The following TSBP1 variants were observed in gnomAD, a reference collection of about 807,000 sequenced individuals.
TSBP1 encodes the protein testis expressed basic protein 1.
TSBP1 carries 56 observed loss-of-function variants against 68.8 expected under a neutral mutation model. That is an observed-to-expected ratio of 0.81 (90% confidence interval 0.66 to 1.02). The LOEUF is 1.02. TSBP1 is among the 50% of genes least tolerant of loss of function. The pLI, the probability that TSBP1 is intolerant of heterozygous loss-of-function variation, is 0.00. For synonymous variants in TSBP1, 171 were observed against 208.7 expected, an observed-to-expected ratio of 0.82 and a Z score of 1.56; for missense variants, 502 against 641.2, an observed-to-expected ratio of 0.78 and a Z score of 2.34.
intron 9 of TSBP1, among the ~76,000 whole-genome samples, chr6:32,345,146 T>A (rs1489024191): frequency 6.6e-6 from 1 of 151,410 alleles, no homozygotes; most frequent in African/African-American, 2.4e-5. Flanking sequence ...TAAGCCACCA[T>A]GCTTGGCCCT....
intron 6 of TSBP1, 148 bp from the exon 7 acceptor site, chr6:32,355,817 A>G: frequency 2.0e-6 from 2 of 981,280 alleles, no homozygotes; most frequent in Non-Finnish European, 2.8e-6. Flanking sequence ...GGCTTAATTT[A>G]TAAGTTTAAT....
chr6:32,355,509 A>T, intron 7 of TSBP1, 140 bp downstream of exon 7: 2 of 1,048,246 alleles, frequency 1.9e-6, no homozygotes, highest in Non-Finnish European at 2.8e-6. Flanking sequence ...CTAAACCAGC[A>T]CTAGAAAACT....
At chr6:32,332,258 C>T (rs902045107) in intron 14 of TSBP1, among the ~76,000 whole-genome samples, 3 of 152,156 alleles carry the variant, frequency 2.0e-5, no homozygotes, top group African/African-American at 7.2e-5. Context: ...TGCAATATTT[C>T]AGCCCAAGGT....
At chr6:32,355,094 A>G (rs2127638478) in intron 8 of TSBP1, 30 bp downstream of exon 8, 1 of 1,601,940 alleles carries the variant, frequency 6.2e-7, no homozygotes. Context: ...AGATGACAGT[A>G]GAATTGAAAG....
intron 9 of TSBP1, among the ~76,000 whole-genome samples, chr6:32,341,986 C>T (rs1770412392): frequency 6.6e-6 from 1 of 151,398 alleles, no homozygotes; most frequent in East Asian, 1.9e-4. Context: ...GATTTTTTGC[C>T]GATTTCCTCA....
chr6:32,352,209 CTAAG>C (rs1300702992), intron 8 of TSBP1, among the ~76,000 whole-genome samples: 4 of 151,708 alleles, frequency 2.6e-5, no homozygotes, highest in African/African-American at 9.7e-5. Flanking sequence ...TGTTGTAAGT[CTAAG>C]TAATAATTAA....
intron 16 of TSBP1, 123 bp downstream of exon 17, chr6:32,330,465 TG>T (rs2127597466): frequency 1.3e-6 from 1 of 793,690 alleles, no homozygotes; most frequent in East Asian, 2.7e-5. Context: ...CATAAAAACA[TG>T]TGTAAAATAA....
chr6:32,293,799 C>CG lies in TSBP1; in HGVS notation c.873_874insC (p.Val292ArgfsTer6), dbSNP rs770745594. On this transcript the variant is annotated frameshift_variant, in exon 23 of 23. Transcript: ENST00000612031. LOFTEE classifies it low-confidence loss of function (END_TRUNC). The stretch of plus-strand genomic sequence containing the variant: ...ATTCCAGCGTCACTGTCTACCTTGA[C>CG]CTCCATTCCTATTTTGTCTTTCTCT... 9.9e-6 allele frequency: 16 copies of CG among 1,612,988 alleles called. No homozygotes were observed. Among genetic ancestry groups the CG allele is most frequent in the Non-Finnish European group, 1.4e-5 (16 of 1,180,008 alleles).
chr6:32,335,474 A>G lies in TSBP1; in HGVS notation c.452-17T>C. 4 of 1,452,716 alleles carry G rather than the reference A, an allele frequency of 2.8e-6. No individual in the cohort carries two copies. The highest frequency in any genetic ancestry group is 9.2e-7 in the Non-Finnish European group (1 of 1,089,830). 90.0% of individuals were successfully genotyped at this position (1,452,716 alleles called of 1,614,324 possible). ...GAGAGAGCTCTAAAAAAAAAAGAGA[A>G]AAGAAATCAGTAGCTATATATATAT... is the stretch of plus-strand genomic sequence containing the variant. On this transcript the variant is annotated splice_polypyrimidine_tract_variant and intron_variant, in intron 13 of 22. Coordinates refer to ENST00000612031, the Ensembl canonical transcript of TSBP1. This position sits in a 1 kb window ranked among gnomAD's most constrained non-coding sequence, Gnocchi z 5.5.
rs9268378 is a variant in TSBP1, at chr6:32,367,851, A to C, written c.166+74T>G. 2.5e-5 allele frequency: 28 copies of C among 1,100,528 alleles called. No individual in the cohort carries two copies. In the South Asian group the frequency reaches 4.0e-4, roughly 16 times the overall value. The allele number at this position is 1,100,528 out of a possible 1,614,324, so 68.2% of individuals were successfully genotyped here. ...TGCTGACTCAACAAATCATGCTCAA[A>C]TGGAGATGAGTTGATTCACACTCTA... On this transcript the variant is annotated intron_variant, in intron 4 of 22. Transcript: ENST00000612031.
At chr6:32,332,087 A>C (rs1769095502) in intron 14 of TSBP1, 33 bp from the exon 16 acceptor site, 1 of 1,530,782 alleles carries the variant, frequency 6.5e-7, no homozygotes. Context: ...ATATTAGTAC[A>C]GTTATTTGGA....
At chr6:32,324,324 C>T in intron 16 of TSBP1, 1 of 414,722 alleles carries the variant, frequency 2.4e-6, no homozygotes, top group Non-Finnish European at 4.5e-6. Context: ...TTCTTATCTA[C>T]TCCTTTCTCT....
At chr6:32,355,812 A>T (rs189070600) in intron 6 of TSBP1, 143 bp from the exon 7 acceptor site, 3 of 1,009,256 alleles carry the variant, frequency 3.0e-6, no homozygotes, top group Admixed American at 7.3e-5. Flanking sequence ...CTCATGGCTT[A>T]ATTTATAAGT....
intron 18 of TSBP1, 62 bp downstream of exon 20, chr6:32,322,418 TTAGAAA>T (rs143375569): frequency 0.029 from 33,491 of 1,169,446 alleles, 916 homozygotes; most frequent in East Asian, 0.12. Flanking sequence ...TATGAGGCAC[TTAGAAA>T]TAGAAACAAC....
intron 14 of TSBP1, among the ~76,000 whole-genome samples, chr6:32,334,988 CAT>C (rs1414088986): frequency 6.6e-6 from 1 of 152,120 alleles, no homozygotes; most frequent in Non-Finnish European, 1.5e-5. Context: ...GAGTGGAGAT[CAT>C]GCCACTGCAC....
chr6:32,305,989 A>G (rs1427126447), intron 19 of TSBP1, among the ~76,000 whole-genome samples: 10 of 152,354 alleles, frequency 6.6e-5, no homozygotes, highest in Admixed American at 3.9e-4. Flanking sequence ...CAGTTTGCCA[A>G]TTATTCTCAT....
At chr6:32,311,394 C>T (rs1766386003) in intron 19 of TSBP1, among the ~76,000 whole-genome samples, 1 of 152,016 alleles carries the variant, frequency 6.6e-6, no homozygotes, top group African/African-American at 2.4e-5. Context: ...CTTGTTACTC[C>T]CAAATTGACA....
chr6:32,345,885 A>G (rs1325100691), intron 9 of TSBP1, among the ~76,000 whole-genome samples: 1 of 152,166 alleles, frequency 6.6e-6, no homozygotes, highest in African/African-American at 2.4e-5. Flanking sequence ...AGCACACGTC[A>G]TCTTGAGCTT....
intron 16 of TSBP1, chr6:32,326,196 G>GC: frequency 1.4e-6 from 2 of 1,386,656 alleles, no homozygotes; most frequent in Non-Finnish European, 2.0e-6. Flanking sequence ...ACAAAGCTTA[G>GC]CAGGAGAGGA....
Sources: allele counts gnomAD v4.1 joint callset (sites outside exome capture counted in the v4.1 genomes callset), GRCh38; gene constraint gnomAD v4.1.1; non-coding constraint Gnocchi (gnomAD v3.1); transcripts MANE v1.5; gene names NCBI Gene and HGNC (gene_info 2026-07-23, HGNC 2026-07-21).